The following USH2A variants were observed in gnomAD, a reference collection of about 807,000 sequenced individuals.
USH2A encodes the protein Usher syndrome 2A (autosomal recessive, mild).
USH2A carries 443 observed loss-of-function variants against 538.9 expected under a neutral mutation model. That is an observed-to-expected ratio of 0.82 (90% CI 0.76 to 0.89). USH2A has a LOEUF of 0.89. USH2A is among the 40% of genes least tolerant of loss of function. The pLI is 0.00. For synonymous variants in USH2A, 2,413 were observed against 2,273.5 expected, an observed-to-expected ratio of 1.06 and a Z score of -1.75; for missense variants, 6,633 against 6,324.8, an observed-to-expected ratio of 1.05 and a Z score of -1.65.
chr1:216,056,669 C>T (rs1427540586), intron 30 of USH2A, among the ~76,000 whole-genome samples: 1 of 152,090 alleles, frequency 6.6e-6, no homozygotes, highest in African/African-American at 2.4e-5. Context: ...TTACTGACAC[C>T]TATTGCTTAC....
intron 50 of USH2A, 62 bp from the exon 51 acceptor site, chr1:215,790,344 C>A: frequency 6.3e-7 from 1 of 1,579,412 alleles, no homozygotes; most frequent in Non-Finnish European, 8.6e-7. Context: ...ACTGAGGCTG[C>A]TATAAAGTTT....
At chr1:216,041,940 G>T (rs2030295233) in intron 32 of USH2A, among the ~76,000 whole-genome samples, 1 of 151,678 alleles carries the variant, frequency 6.6e-6, no homozygotes, top group South Asian at 2.1e-4. Context: ...CAAACATTCT[G>T]CAAATGTTCA....
At chr1:215,860,003 T>C (rs1490233177) in intron 44 of USH2A, among the ~76,000 whole-genome samples, 1 of 152,202 alleles carries the variant, frequency 6.6e-6, no homozygotes, top group Admixed American at 6.5e-5. Flanking sequence ...GGTTAGTTTT[T>C]GAAGAAATGA....
At chr1:215,896,709 C>G (rs189198245) in intron 40 of USH2A, among the ~76,000 whole-genome samples, 261 of 152,234 alleles carry the variant, frequency 1.7e-3, no homozygotes, top group African/African-American at 6.1e-3. Context: ...TCTTTGTTTT[C>G]AAGATATCAA....
chr1:216,114,004 T>G (rs1372042757), intron 21 of USH2A, among the ~76,000 whole-genome samples: 1 of 151,790 alleles, frequency 6.6e-6, no homozygotes, highest in Non-Finnish European at 1.5e-5. Flanking sequence ...TTTAGTAAAT[T>G]TTTAAAATTC....
At chr1:216,394,760 C>T (rs1436420723) in intron 3 of USH2A, among the ~76,000 whole-genome samples, 51 of 134,294 alleles carry the variant, frequency 3.8e-4, no homozygotes, top group Non-Finnish European at 6.8e-4. Context: ...GCTCTGTCGC[C>T]CAGGCTGGAG....
intron 11 of USH2A, among the ~76,000 whole-genome samples, chr1:216,277,318 A>G: frequency 6.6e-6 from 1 of 152,044 alleles, no homozygotes; most frequent in East Asian, 1.9e-4. Flanking sequence ...TCATGAACAA[A>G]TCTTTTAACC....
intron 61 of USH2A, among the ~76,000 whole-genome samples, chr1:215,693,526 G>A (rs1031077665): frequency 7.2e-5 from 11 of 152,164 alleles, no homozygotes; most frequent in Non-Finnish European, 1.2e-4. Flanking sequence ...TACTTGTGAA[G>A]TGTATTAGTA....
chr1:216,292,062 G>T (rs1442360599), intron 10 of USH2A, 113 bp downstream of exon 10: 2 of 1,238,008 alleles, frequency 1.6e-6, no homozygotes, highest in East Asian at 2.5e-5. Context: ...AAACTTAAAG[G>T]TATGAAAGTA....
chr1:215,633,695 C>T (rs1055258065), intron 70 of USH2A, among the ~76,000 whole-genome samples: 1 of 152,146 alleles, frequency 6.6e-6, no homozygotes, highest in Non-Finnish European at 1.5e-5. Context: ...CCTGTGGGCG[C>T]CCAGCTTTGG....
chr1:216,124,349 A>T (rs1435577477), intron 21 of USH2A, among the ~76,000 whole-genome samples: 1 of 152,142 alleles, frequency 6.6e-6, no homozygotes, highest in South Asian at 2.1e-4. Context: ...GTAAGTTGGA[A>T]ATCCTGCAGC....
At chr1:215,746,074 C>A (rs1660461188) in intron 58 of USH2A, among the ~76,000 whole-genome samples, 1 of 152,072 alleles carries the variant, frequency 6.6e-6, no homozygotes, top group African/African-American at 2.4e-5. Context: ...TTGTTTCATT[C>A]AACATTGTTT....
intron 30 of USH2A, among the ~76,000 whole-genome samples, chr1:216,062,293 A>G (rs1185042880): frequency 6.6e-6 from 1 of 152,186 alleles, no homozygotes. Flanking sequence ...AGAGATGAAG[A>G]CAAAAATTGA....
In USH2A at chr1:216,190,236, T is replaced by C. The variant is rs978359064; in HGVS notation, c.4383A>G (p.Gln1461=). Reference sequence around the variant, plus strand: ...AAACTTGCTTACCTGCTGCTAAAGTTTGTCCTGCTCCCGAAGCACTGGTCA... The same window carrying C: ...AAACTTGCTTACCTGCTGCTAAAGTCTGTCCTGCTCCCGAAGCACTGGTCA... ...GCVTSASGAG[Q]TLAAAPAQLR... The change falls in exon 20 of 72, where the codon CAA becomes CAG. Residue 1461 remains glutamine, a synonymous_variant. Transcript: ENST00000307340. 1.5e-5 allele frequency: 24 copies of C among 1,612,420 alleles called. No individual in the cohort carries two copies. Among genetic ancestry groups the C allele is most frequent in the Non-Finnish European group, 2.0e-5 (23 of 1,178,996 alleles).
chr1:215,871,013 A>T (rs921692339), intron 43 of USH2A, among the ~76,000 whole-genome samples: 4 of 152,090 alleles, frequency 2.6e-5, no homozygotes, highest in Admixed American at 2.6e-4. Flanking sequence ...GTAGGAAAAA[A>T]CTTTTGCAAT....
intron 55 of USH2A, 43 bp downstream of exon 55, chr1:215,779,800 A>G: frequency 6.2e-7 from 1 of 1,607,086 alleles, no homozygotes; most frequent in Non-Finnish European, 8.5e-7. Context: ...AACCACAATG[A>G]CAGACTCCTC....
At chr1:215,738,044 A>C (rs1660204613) in intron 60 of USH2A, among the ~76,000 whole-genome samples, 1 of 152,112 alleles carries the variant, frequency 6.6e-6, no homozygotes, top group Non-Finnish European at 1.5e-5. Flanking sequence ...CATGAGAATA[A>C]TAAACCCCAT....
At chr1:215,749,686 T>C (rs1660570451) in intron 58 of USH2A, among the ~76,000 whole-genome samples, 1 of 152,230 alleles carries the variant, frequency 6.6e-6, no homozygotes. Flanking sequence ...CCTGAGTTCA[T>C]AAATTTATGT....
intron 21 of USH2A, among the ~76,000 whole-genome samples, chr1:216,120,943 TC>T (rs2033125734): frequency 7.5e-6 from 1 of 133,176 alleles, no homozygotes; most frequent in South Asian, 2.8e-4. Context: ...TACTTTTACA[TC>T]CCCAAACATT....
Sources: gnomAD v4.1 joint callset for allele counts (sites outside exome capture counted in the v4.1 genomes callset) on GRCh38, gnomAD v4.1.1 for gene constraint, MANE v1.5 for transcripts, NCBI Gene and HGNC (gene_info 2026-07-23, HGNC 2026-07-21) for gene names.